RAD18: variants seen among roughly 807,000 people sequenced by gnomAD.
RAD18 encodes RAD18 E3 ubiquitin protein ligase.
RAD18 carries 47 observed loss-of-function variants against 60.4 expected under a neutral mutation model. The ratio of observed to expected loss-of-function variants is 0.78; its 90% CI spans 0.62 to 0.99. The LOEUF (loss-of-function observed/expected upper bound fraction) is 0.99. RAD18 is among the 50% of genes least tolerant of loss of function. The pLI, the probability that RAD18 is intolerant of heterozygous loss-of-function variation, is 0.00. For missense variants in RAD18, 640 were observed against 593.3 expected (o/e 1.08, Z -0.82); for synonymous variants, 225 against 195.5 (o/e 1.15, Z -1.26).
At chr3:8,962,251 G>T (rs1206303218) in intron 1 of RAD18, among the ~76,000 whole-genome samples, 1 of 152,186 alleles carries the variant, frequency 6.6e-6, no homozygotes, top group Non-Finnish European at 1.5e-5. Flanking sequence ...TCAAGAGGCA[G>T]ACAGGAGATT....
chr3:8,902,347 G>C, intron 10 of RAD18, 33 bp downstream of exon 10: 1 of 1,441,932 alleles, frequency 6.9e-7, no homozygotes. Context: ...AATGAAATTC[G>C]ACATATGTCT....
Position 8,898,960 on chromosome 3 carries a change from T to C in RAD18, c.1256A>G (p.Glu419Gly), listed in dbSNP as rs1303599548. 1.9e-6 allele frequency: 3 copies of C among 1,609,920 alleles called. No homozygotes were observed. In the African/African-American group the frequency reaches 4.0e-5, roughly 22 times the overall value. The change falls in exon 11 of 13, where the codon GAG becomes GGG. Residue 419 changes from glutamate (E) to glycine (G), a missense_variant. Coordinates refer to ENST00000264926, the MANE Select transcript of RAD18 (RefSeq NM_020165.4). Reference protein sequence around the residue: ...SPEELEPDREEDSSSCIDIQE... With the variant: ...SPEELEPDREGDSSSCIDIQE... ...AATATCAATACAGCTAGAAGAATCCTCTTCTCTGTCAGGTTCCAATTCCTC... is the reference window on the plus strand; with the variant it reads ...AATATCAATACAGCTAGAAGAATCCCCTTCTCTGTCAGGTTCCAATTCCTC...
chr3:8,908,415 G>C (rs1454637874), intron 9 of RAD18, among the ~76,000 whole-genome samples: 4 of 152,070 alleles, frequency 2.6e-5, no homozygotes. Context: ...ATAAAAGGGG[G>C]AAATTTGGAC....
At chr3:8,902,856 T>C (rs1231196648) in intron 9 of RAD18, among the ~76,000 whole-genome samples, 1 of 152,066 alleles carries the variant, frequency 6.6e-6, no homozygotes, top group African/African-American at 2.4e-5. Flanking sequence ...AAACCCTATC[T>C]CTACTAAAAG....
chr3:8,926,258 T>G (rs952500376), intron 7 of RAD18, among the ~76,000 whole-genome samples: 20 of 152,248 alleles, frequency 1.3e-4, no homozygotes, highest in African/African-American at 2.9e-4. Flanking sequence ...AGCATTCTTA[T>G]ACACCAATAA....
At chr3:8,895,663 G>A (rs1939771199) in intron 11 of RAD18, among the ~76,000 whole-genome samples, 1 of 152,060 alleles carries the variant, frequency 6.6e-6, no homozygotes, top group South Asian at 2.1e-4. Flanking sequence ...TTTGTTTAAA[G>A]TAGATTGATA....
Position 8,879,735 on chromosome 3 carries a change from T to C in RAD18, c.*1622A>G, listed in dbSNP as rs1244294380. The C allele has an allele frequency of 6.6e-6, 1 of 152,280 alleles. No individual in the cohort carries two copies. The highest frequency in any genetic ancestry group is 1.5e-5 in the Non-Finnish European group (1 of 68,040). 9.4% of individuals were successfully genotyped at this position (152,280 alleles called of 1,614,324 possible). ...CACTGGGAACCATTGTTCTAGATGA[T>C]CTTTGGCCACCTTTGTATTCCCAGT... On this transcript the variant is annotated 3_prime_UTR_variant, in exon 13 of 13. Coordinates refer to ENST00000264926, the MANE Select transcript of RAD18 (RefSeq NM_020165.4).
intron 4 of RAD18, among the ~76,000 whole-genome samples, chr3:8,942,131 C>G (rs1181930355): frequency 6.6e-6 from 1 of 152,132 alleles, no homozygotes. Context: ...TCCACCAAAT[C>G]TCACACTGAA....
intron 10 of RAD18, 115 bp from the exon 11 acceptor site, chr3:8,899,162 T>TA: frequency 1.3e-6 from 1 of 751,418 alleles, no homozygotes. Context: ...ATATGTCACA[T>TA]AGATTCCAGA....
Position 8,939,561 on chromosome 3 carries a change from G to A in RAD18, c.697C>T (p.Leu233Phe). 1 of 1,611,534 alleles carries A rather than the reference G, an allele frequency of 6.2e-7. No homozygotes were observed. The highest frequency in any genetic ancestry group is 8.5e-7 in the Non-Finnish European group (1 of 1,178,138). The change falls in exon 6 of 13, where the codon CTC (leucine) becomes TTC (phenylalanine). Residue 233 changes from leucine to phenylalanine, a missense_variant. Coordinates refer to ENST00000264926, the MANE Select transcript of RAD18 (RefSeq NM_020165.4). ...TCTGCTCAACTTCCTTACCTTCTGA[G>A]GCTTTCCTTCTTCTCTTCGCGTGAT... ...CLSREEKKES[L>F]RSSVHKRKPL...
chr3:8,907,506 C>T (rs1026921176), intron 9 of RAD18, among the ~76,000 whole-genome samples: 13 of 152,086 alleles, frequency 8.5e-5, no homozygotes, highest in African/African-American at 2.2e-4. Context: ...CCCATCTCAC[C>T]GCCCAAATAT....
In RAD18 at chr3:8,898,932, T is replaced by G; in HGVS notation, c.1284A>C (p.Gln428His). 1 of 1,603,870 alleles carries G rather than the reference T, an allele frequency of 6.2e-7. No individual in the cohort carries two copies. The change falls in exon 11 of 13, where the codon CAA becomes CAC. Residue 428 changes from glutamine to histidine, a missense_variant. By Grantham distance (24) the Gln-to-His change is conservative. Transcript: ENST00000264926. Reference sequence around the variant, plus strand: ...CTGATTCTGATGAAGAAAGAACTTCTTGAATATCAATACAGCTAGAAGAAT... The same window carrying G: ...CTGATTCTGATGAAGAAAGAACTTCGTGAATATCAATACAGCTAGAAGAAT... ...EEDSSSCIDI[Q>H]EVLSSSESDS...
At position 8,879,851 on chromosome 3, in the gene RAD18, C is replaced by A. The variant is rs1396268452; in HGVS notation, c.*1506G>T. 3 of 152,258 alleles carry A rather than the reference C, an allele frequency of 2.0e-5. No homozygotes were observed. Among genetic ancestry groups the A allele is most frequent in the Non-Finnish European group, 4.4e-5 (3 of 68,048 alleles). The allele number at this position is 152,258 out of a possible 1,614,324, so 9.4% of individuals were successfully genotyped here. ...AATCTTGGGTCTCACCGCTCCCTCA[C>A]AAACTCCTTTTGCTGCAATTAAAGT... is the stretch of plus-strand genomic sequence containing the variant. On this transcript the variant is annotated 3_prime_UTR_variant, in exon 13 of 13. Transcript: ENST00000264926.
rs1424630812 is a variant in RAD18, at chr3:8,959,004, G to C, written c.52-3C>G. On this transcript the variant is annotated splice_polypyrimidine_tract_variant and splice_region_variant and intron_variant, in intron 1 of 12. Transcript: ENST00000264926. Reference sequence around the variant, plus strand: ...CACCGCAGCAAATCATCTATTGTCTGAAATGCAAATATGCATATATACATA... The same window carrying C: ...CACCGCAGCAAATCATCTATTGTCTCAAATGCAAATATGCATATATACATA... 6.2e-7 allele frequency: 1 copy of C among 1,612,592 alleles called. No homozygotes were observed. Among genetic ancestry groups the C allele is most frequent in the Non-Finnish European group, 8.5e-7 (1 of 1,178,780 alleles).
chr3:8,929,571 A>G (rs1295053855), intron 7 of RAD18, among the ~76,000 whole-genome samples: 1 of 152,224 alleles, frequency 6.6e-6, no homozygotes, highest in Non-Finnish European at 1.5e-5. Context: ...CTGTAATGTA[A>G]ATCAATACCA....
intron 12 of RAD18, 111 bp from the exon 13 acceptor site, chr3:8,881,570 C>A (rs1939463188): frequency 2.7e-5 from 21 of 791,992 alleles, no homozygotes; most frequent in Non-Finnish European, 4.1e-5. Flanking sequence ...TCGAAATAAT[C>A]CTCTATTCTG....
At chr3:8,928,266 TGAA>T (rs1012428431) in intron 7 of RAD18, among the ~76,000 whole-genome samples, 2 of 150,168 alleles carry the variant, frequency 1.3e-5, no homozygotes, top group African/African-American at 2.4e-5. Context: ...AAGCAGGAAA[TGAA>T]GAAAAAACAA....
chr3:8,942,421 A>G (rs1559794017), intron 4 of RAD18, among the ~76,000 whole-genome samples: 1 of 152,220 alleles, frequency 6.6e-6, no homozygotes, highest in Non-Finnish European at 1.5e-5. Context: ...ACAGCTGCAG[A>G]ACCATGAGCC....
At chr3:8,923,073 C>T (rs1189138710) in intron 7 of RAD18, among the ~76,000 whole-genome samples, 18 of 152,158 alleles carry the variant, frequency 1.2e-4, no homozygotes, top group Admixed American at 1.2e-3. Context: ...AGAATGACTT[C>T]GACGAGTTGA....
Sources: allele counts gnomAD v4.1 joint callset (sites outside exome capture counted in the v4.1 genomes callset), GRCh38; gene constraint gnomAD v4.1.1; transcripts MANE v1.5; gene names NCBI Gene and HGNC (gene_info 2026-07-23, HGNC 2026-07-21).